IPO7: variants seen among roughly 807,000 people sequenced by gnomAD.
IPO7 encodes the protein importin 7, also known as importin-7.
A neutral mutation model predicts 136.4 loss-of-function variants in IPO7; 13 were observed. The observed-to-expected ratio is 0.10, with a 90% CI of 0.06 to 0.15. The LOEUF is 0.15. IPO7 is among the 10% of genes least tolerant of loss of function. The pLI, the probability that IPO7 is intolerant of heterozygous loss-of-function variation, is 1.00. For synonymous variants in IPO7, 403 were observed against 404.4 expected, an observed-to-expected ratio of 1.00 and a Z score of 0.04; for missense variants, 857 against 1,240.6, an observed-to-expected ratio of 0.69 and a Z score of 4.65.
At chr11:9,411,359 G>A (rs1234691050) in intron 4 of IPO7, among the ~76,000 whole-genome samples, 1 of 152,188 alleles carries the variant, frequency 6.6e-6, no homozygotes, top group Admixed American at 6.5e-5. Flanking sequence ...GTGGTCCTCA[G>A]GAGCATAGAT....
chr11:9,409,824 A>G, intron 3 of IPO7, 104 bp from the exon 4 acceptor site: 1 of 811,840 alleles, frequency 1.2e-6, no homozygotes, highest in East Asian at 2.9e-5. Flanking sequence ...TCACTGGGTT[A>G]TTTTGAAATT....
chr11:9,384,856 G>A lies in IPO7; in HGVS notation c.84+9G>A, dbSNP rs759650144. 52 of 1,586,534 alleles carry A rather than the reference G, an allele frequency of 3.3e-5. No individual in the cohort carries two copies. Among genetic ancestry groups the A allele is most frequent in the Non-Finnish European group, 4.1e-5 (48 of 1,166,212 alleles). ...AGCGCCAGCTCAATGAAGTAAGGACGCCCGGCTAGCGGTGGCGGCGGGCAG... is the reference window on the plus strand; with the variant it reads ...AGCGCCAGCTCAATGAAGTAAGGACACCCGGCTAGCGGTGGCGGCGGGCAG... On this transcript the variant is annotated intron_variant, in intron 1 of 24. Transcript: ENST00000379719.
At chr11:9,391,568 A>G (rs562942784) in intron 1 of IPO7, among the ~76,000 whole-genome samples, 1 of 149,592 alleles carries the variant, frequency 6.7e-6, no homozygotes, top group African/African-American at 2.5e-5. Context: ...TTAGCTGGGC[A>G]TGGTGGTGGG....
chr11:9,426,838 G>A (rs1855216209), intron 12 of IPO7, among the ~76,000 whole-genome samples: 1 of 151,950 alleles, frequency 6.6e-6, no homozygotes, highest in South Asian at 2.1e-4. Flanking sequence ...GCTCGCTGCA[G>A]CCACCAGTCT....
intron 1 of IPO7, among the ~76,000 whole-genome samples, chr11:9,389,822 G>A (rs1206251861): frequency 6.6e-6 from 1 of 150,886 alleles, no homozygotes; most frequent in Non-Finnish European, 1.5e-5. Context: ...GTGCATTGGT[G>A]CCATCCGGCT....
In IPO7 at chr11:9,432,458, C is replaced by T. The variant is rs143619810; in HGVS notation, c.1882-1112C>T. On this transcript the variant is annotated intron_variant, in intron 16 of 24. Transcript: ENST00000379719. The stretch of plus-strand genomic sequence containing the variant: ...TCAAGTGATCCGCCTCCCTTGACCT[C>T]CCAAAGTGCAGAAATTACAGGCGTG... Among the ~76,000 whole-genome samples the T allele has an allele frequency of 3.2e-3, 485 of 152,298 alleles. 1 individual carries two copies. The highest frequency in any genetic ancestry group is 5.3e-3 in the Non-Finnish European group (358 of 68,026).
rs969928936 is a variant in IPO7, at chr11:9,445,946, T to C, written c.*752T>C. ...CTAGCAATTTTGTACCTGGTGACTT[T>C]GTGGTGCACTCACCTCTGATAGTGA... On this transcript the variant is annotated 3_prime_UTR_variant, in exon 25 of 25. Coordinates refer to ENST00000379719, the MANE Select transcript of IPO7 (RefSeq NM_006391.3). The C allele has an allele frequency of 2.0e-5, 3 of 152,196 alleles. No homozygotes were observed. Among genetic ancestry groups the C allele is most frequent in the African/African-American group, 7.2e-5 (3 of 41,442 alleles). 9.4% of individuals were successfully genotyped at this position (152,196 alleles called of 1,614,324 possible). A position where few individuals can be genotyped will look rare whatever the true frequency, so the allele number is the denominator to read the frequency against.
At chr11:9,418,649 T>A (rs1855077615) in intron 6 of IPO7, among the ~76,000 whole-genome samples, 1 of 152,204 alleles carries the variant, frequency 6.6e-6, no homozygotes, top group African/African-American at 2.4e-5. Context: ...TTAATAGATA[T>A]AAAATATAAC....
chr11:9,405,316 A>G (rs1391178668), intron 2 of IPO7, among the ~76,000 whole-genome samples: 1 of 152,044 alleles, frequency 6.6e-6, no homozygotes, highest in Non-Finnish European at 1.5e-5. Context: ...CTGGGACTAT[A>G]GGCGCCCGCC....
At chr11:9,401,813 G>A (rs1160450016) in intron 1 of IPO7, among the ~76,000 whole-genome samples, 1 of 152,012 alleles carries the variant, frequency 6.6e-6, no homozygotes, top group East Asian at 1.9e-4. Context: ...ATACACAAAG[G>A]TGGTCATAAA....
intron 1 of IPO7, among the ~76,000 whole-genome samples, chr11:9,397,355 T>A (rs1272468664): frequency 1.5e-4 from 6 of 40,080 alleles, no homozygotes; most frequent in African/African-American, 2.7e-4. Context: ...TATATATATA[T>A]ATATATATAT....
chr11:9,444,997 C>T, intron 24 of IPO7, 100 bp from the exon 25 acceptor site: 1 of 748,164 alleles, frequency 1.3e-6, no homozygotes, highest in Non-Finnish European at 2.4e-6. Flanking sequence ...TTCCTGGCCA[C>T]TAATGATGGT....
intron 8 of IPO7, 48 bp from the exon 9 acceptor site, chr11:9,422,958 G>A (rs1324488042): frequency 4.6e-6 from 6 of 1,309,972 alleles, no homozygotes; most frequent in Non-Finnish European, 6.2e-6. Context: ...GTAAGTGGTT[G>A]AAATTTCTAT....
chr11:9,390,186 C>T (rs558971323), intron 1 of IPO7, among the ~76,000 whole-genome samples: 84 of 152,256 alleles, frequency 5.5e-4, no homozygotes, highest in East Asian at 3.7e-3. Flanking sequence ...CCACCGTGCC[C>T]GGCCTAATGG....
chr11:9,437,288 C>T (rs1402060352), intron 20 of IPO7, among the ~76,000 whole-genome samples: 4 of 151,778 alleles, frequency 2.6e-5, no homozygotes, highest in Admixed American at 6.6e-5. Flanking sequence ...GACAGAGTCT[C>T]GCTCTGTCGC....
At chr11:9,432,305 G>A (rs1177404040) in intron 16 of IPO7, among the ~76,000 whole-genome samples, 3 of 151,354 alleles carry the variant, frequency 2.0e-5, no homozygotes, top group African/African-American at 2.4e-5. Context: ...AGGTTCAAGT[G>A]ATTCTCCTGC....
chr11:9,430,852 G>C (rs754709188), intron 15 of IPO7, 23 bp from the exon 16 acceptor site: 2 of 1,606,214 alleles, frequency 1.2e-6, no homozygotes, highest in Non-Finnish European at 1.7e-6. Flanking sequence ...TGACAAACTT[G>C]AGTTATATTC....
At position 9,426,971 on chromosome 11, in the gene IPO7, C is replaced by T. The variant is rs369315210; in HGVS notation, c.1336-1569C>T. On this transcript the variant is annotated intron_variant, in intron 12 of 24. Transcript: ENST00000379719. ...TCGACTCACTGCAACCTCTACCTTC[C>T]GGGTTCAAGTGATTCTCATGCCTCA... Among the ~76,000 whole-genome samples the T allele has an allele frequency of 1.0e-3, 155 of 151,942 alleles. 1 individual carries two copies. The South Asian group carries it at 0.029, about 28-fold the overall frequency.
In IPO7 at chr11:9,417,733, C is replaced by G. The variant is rs1855061400; in HGVS notation, c.726+585C>G. 3.5e-5 allele frequency among the ~76,000 whole-genome samples: 5 copies of G among 142,354 alleles called. No homozygotes were observed. In the Admixed American group the frequency reaches 3.6e-4, roughly 10 times the overall value. The allele number at this position is 142,354 out of a possible 152,430, so 93.4% of individuals were successfully genotyped here. A position where few individuals can be genotyped will look rare whatever the true frequency, so the allele number is the denominator to read the frequency against. ...CTTTTTTCTTTTTTTTTTTTTTAAG[C>G]TGAAGTTTCGCTCTTGTTGCCTAGG... On this transcript the variant is annotated intron_variant, in intron 6 of 24. Coordinates refer to ENST00000379719, the MANE Select transcript of IPO7 (RefSeq NM_006391.3).
Sources: allele counts gnomAD v4.1 joint callset (sites outside exome capture counted in the v4.1 genomes callset), GRCh38; gene constraint gnomAD v4.1.1; transcripts MANE v1.5; gene names NCBI Gene and HGNC (gene_info 2026-07-23, HGNC 2026-07-21).